DNAH8: variants seen among roughly 807,000 people sequenced by gnomAD.
DNAH8 encodes axonemal beta dynein heavy chain 8.
A neutral mutation model predicts 562.1 loss-of-function variants in DNAH8; 382 were observed. That is an observed-to-expected ratio of 0.68 (90% CI 0.63 to 0.74). DNAH8 has a LOEUF of 0.74. Among genes scored for constraint, DNAH8 ranks in the 30% least tolerant of loss-of-function variants. DNAH8 has a pLI of 0.00. For missense variants in DNAH8, 5,203 were observed against 5,620.4 expected (o/e 0.93, Z 2.37); for synonymous variants, 1,881 against 1,919.4 (o/e 0.98, Z 0.52).
intron 21 of DNAH8, among the ~76,000 whole-genome samples, chr6:38,801,486 G>A (rs1770774257): frequency 6.6e-6 from 1 of 152,198 alleles, no homozygotes; most frequent in African/African-American, 2.4e-5. Flanking sequence ...TAATTAGTGT[G>A]TCTGGTTCCT....
chr6:38,798,111 A>G (rs545807891), intron 21 of DNAH8, among the ~76,000 whole-genome samples: 49 of 152,276 alleles, frequency 3.2e-4, no homozygotes, highest in African/African-American at 1.2e-3. Context: ...TATAGAGACA[A>G]AAGCACATTA....
chr6:38,867,113 G>A (rs1777094324), intron 47 of DNAH8, among the ~76,000 whole-genome samples: 1 of 152,134 alleles, frequency 6.6e-6, no homozygotes, highest in Non-Finnish European at 1.5e-5. Context: ...CCTTCACCCT[G>A]CCTTGCCTGG....
chr6:39,018,892 T>C (rs1766724683), intron 91 of DNAH8, among the ~76,000 whole-genome samples: 1 of 152,046 alleles, frequency 6.6e-6, no homozygotes, highest in Non-Finnish European at 1.5e-5. Context: ...CTCAGTGGAA[T>C]AGGTGGGGAG....
intron 87 of DNAH8, among the ~76,000 whole-genome samples, chr6:38,988,763 G>A (rs73412421): frequency 0.051 from 7,679 of 152,020 alleles, 679 homozygotes; most frequent in African/African-American, 0.17. Context: ...CAAGTTCTCC[G>A]GTCAAACTCC....
intron 10 of DNAH8, among the ~76,000 whole-genome samples, chr6:38,759,092 C>G (rs375315370): frequency 1.3e-4 from 20 of 152,118 alleles, no homozygotes; most frequent in African/African-American, 4.6e-4. Context: ...CGCTGGAGCT[C>G]ACGAGTTTGA....
intron 11 of DNAH8, among the ~76,000 whole-genome samples, chr6:38,768,180 T>C (rs994053764): frequency 6.6e-6 from 1 of 152,142 alleles, no homozygotes; most frequent in African/African-American, 2.4e-5. Context: ...TGTTGTTGAG[T>C]TGTAGGATTT....
chr6:38,886,791 A>C lies in DNAH8; in HGVS notation c.8260A>C (p.Ile2754Leu). The C allele has an allele frequency of 6.2e-7, 1 of 1,613,026 alleles. No individual in the cohort carries two copies. The highest frequency in any genetic ancestry group is 8.5e-7 in the Non-Finnish European group (1 of 1,179,040). ...MPVINEWGDQ[I>L]TNEIVRQMME... ...AAAATATTGCTGTGTGAAATTTCAG[A>C]TAACTAATGAGATTGTGCGACAGAT... Residue 2754 changes from isoleucine to leucine, a missense_variant and splice_region_variant, in exon 57 of 93, where the codon ATA becomes CTA. Physicochemically the swap from Ile to Leu is conservative, Grantham distance 5. Around this residue, in one of 6 missense-constraint regions of DNAH8, gnomAD observed 977 missense variants for 1,061.8 expected, o/e 0.92. Transcript: ENST00000327475.
intron 80 of DNAH8, 29 bp downstream of exon 80, chr6:38,945,617 G>A: frequency 2.5e-6 from 4 of 1,612,644 alleles, no homozygotes; most frequent in Non-Finnish European, 3.4e-6. Flanking sequence ...GGTTGAAAGT[G>A]CAGATCTGCA....
chr6:38,770,406 C>A lies in DNAH8; in HGVS notation c.1618-7C>A. The A allele has an allele frequency of 1.9e-6, 3 of 1,544,676 alleles. No individual in the cohort carries two copies. Among genetic ancestry groups the A allele is most frequent in the East Asian group, 2.3e-5 (1 of 44,042 alleles). ...TCTTTTCCCTATTTCTTTTACTTTT[C>A]TCATAGGACTGCATTTTTCTATTCA... On this transcript the variant is annotated splice_region_variant and splice_polypyrimidine_tract_variant and intron_variant, in intron 11 of 92. Coordinates refer to ENST00000327475, the MANE Select transcript of DNAH8 (RefSeq NM_001206927.2).
Position 38,919,103 on chromosome 6 carries a change from A to AAC in DNAH8, c.10524+975_10524+976dup, listed in dbSNP as rs141307273. Among the ~76,000 whole-genome samples the AAC allele has an allele frequency of 0.012, 1,784 of 152,238 alleles. 91 individuals carry two copies. In the East Asian group the frequency reaches 0.15, roughly 13 times the overall value. On this transcript the variant is annotated intron_variant, in intron 70 of 92. Transcript: ENST00000327475. ...ATGTAGAATTCAAGAAAAAAAAGAAAACACACACACACATCAGAAAAGAAC... is the reference window on the plus strand; with the variant it reads ...ATGTAGAATTCAAGAAAAAAAAGAAAACACACACACACACATCAGAAAAGAAC...
chr6:39,000,814 T>C (rs1765434743), intron 88 of DNAH8, among the ~76,000 whole-genome samples: 1 of 152,134 alleles, frequency 6.6e-6, no homozygotes, highest in Admixed American at 6.5e-5. Context: ...TATGGAAAAA[T>C]GTCTTCCACA....
intron 18 of DNAH8, among the ~76,000 whole-genome samples, chr6:38,788,276 C>G (rs12193813): frequency 6.6e-6 from 1 of 151,794 alleles, no homozygotes; most frequent in Admixed American, 6.6e-5. Context: ...TTCAGCCTCC[C>G]GAATAGCTGG....
intron 10 of DNAH8, among the ~76,000 whole-genome samples, chr6:38,759,401 C>T (rs1766274946): frequency 1.3e-5 from 2 of 152,088 alleles, no homozygotes; most frequent in African/African-American, 4.8e-5. Context: ...TCAAGCATAA[C>T]GAAATATATA....
rs149454288 is a variant in DNAH8 at position 38,926,772 on chromosome 6, G to C, written c.11118+562G>C. Among the ~76,000 whole-genome samples, 287 of 152,192 alleles carry C rather than the reference G, an allele frequency of 1.9e-3. 1 individual carries two copies. Among genetic ancestry groups the C allele is most frequent in the Non-Finnish European group, 3.4e-3 (234 of 67,986 alleles). ...CAGTGCTCTAAACCCCCGTCCCCATGTTTTTGCTTATACTGTTTCTACTAA... is the reference window on the plus strand; with the variant it reads ...CAGTGCTCTAAACCCCCGTCCCCATCTTTTTGCTTATACTGTTTCTACTAA... On this transcript the variant is annotated intron_variant, in intron 74 of 92. Transcript: ENST00000327475.
rs763862339 is a variant in DNAH8 at position 38,781,310 on chromosome 6, A to G, written c.2196A>G (p.Ala732=). Reference sequence around the variant, plus strand: ...TTGCTCGCAACATGCCCCCTATAGCAGGAAAAATACTCTGGGTGAGGCAGC... The same window carrying G: ...TTGCTCGCAACATGCCCCCTATAGCGGGAAAAATACTCTGGGTGAGGCAGC... ...PPLARNMPPI[A]GKILWVRQLY... The change falls in exon 16 of 93, where the codon GCA becomes GCG. Residue 732 remains alanine (A), a synonymous_variant. Coordinates refer to ENST00000327475, the MANE Select transcript of DNAH8 (RefSeq NM_001206927.2). 4 of 1,613,966 alleles carry G rather than the reference A, an allele frequency of 2.5e-6. No individual in the cohort carries two copies. In the South Asian group the frequency reaches 3.3e-5, roughly 13 times the overall value.
Position 38,938,152 on chromosome 6 carries a change from G to T in DNAH8, c.11742G>T (p.Glu3914Asp). 6.2e-7 allele frequency: 1 copy of T among 1,614,074 alleles called. No homozygotes were observed. The highest frequency in any genetic ancestry group is 1.1e-5 in the South Asian group (1 of 91,074). The change falls in exon 78 of 93, where the codon GAG becomes GAT. Residue 3914 changes from glutamate to aspartate, a missense_variant. Physicochemically the swap from Glu to Asp is conservative, Grantham distance 45. Transcript: ENST00000327475. ...GCATCCTCTACTTCCTCATCACAGA[G>T]ATGAGCATGGTCAACATCATGTATC... ...RGSILYFLIT[E>D]MSMVNIMYQT...
intron 38 of DNAH8, 65 bp downstream of exon 38, chr6:38,850,479 T>A: frequency 7.1e-7 from 1 of 1,399,576 alleles, no homozygotes; most frequent in Non-Finnish European, 9.9e-7. Context: ...CCAAACTTAC[T>A]AGTATTGACT....
chr6:39,000,403 A>G (rs575376595), intron 88 of DNAH8, among the ~76,000 whole-genome samples: 4 of 152,318 alleles, frequency 2.6e-5, no homozygotes, highest in South Asian at 4.2e-4. Flanking sequence ...CCACAAGCCA[A>G]TACCAGTCCG....
At chr6:38,751,969 T>C (rs1426114221) in intron 9 of DNAH8, among the ~76,000 whole-genome samples, 2 of 152,156 alleles carry the variant, frequency 1.3e-5, no homozygotes, top group East Asian at 1.9e-4. Context: ...TTTAAATATG[T>C]TTTCATTCTC....
Sources: allele counts gnomAD v4.1 joint callset (sites outside exome capture counted in the v4.1 genomes callset), GRCh38; gene constraint gnomAD v4.1.1; regional missense constraint gnomAD v4.1.1; transcripts MANE v1.5; gene names NCBI Gene and HGNC (gene_info 2026-07-23, HGNC 2026-07-21).